The following SRR variants were observed in gnomAD, a reference collection of about 807,000 sequenced individuals.
The protein encoded by SRR is serine racemase.
In SRR, 19 loss-of-function variants were observed where a neutral mutation model predicts 32.7. The observed-to-expected ratio is 0.58, with a 90% CI of 0.40 to 0.85. SRR has a LOEUF of 0.85. Among genes scored for constraint, SRR ranks in the 40% least tolerant of loss-of-function variants. The pLI is 0.00. For synonymous variants in SRR, 142 were observed against 140.9 expected (o/e 1.01, Z -0.06); for missense variants, 373 against 404.7 (o/e 0.92, Z 0.67).
In SRR at chr17:2,315,726, A is replaced by C; in HGVS notation, c.166A>C (p.Lys56Gln). ...CELFQKTGSF[K>Q]IRGALNAVRS... ...ACTCTTCCAGAAAACAGGATCTTTTAAGGTAACAATCCTTTTTCTCAGTGT... is the reference window on the plus strand; with the variant it reads ...ACTCTTCCAGAAAACAGGATCTTTTCAGGTAACAATCCTTTTTCTCAGTGT... Residue 56 changes from lysine to glutamine, a missense_variant and splice_region_variant, in exon 2 of 8, where the codon AAG becomes CAG. Coordinates refer to ENST00000344595, the MANE Select transcript of SRR (RefSeq NM_021947.3). 1 of 1,613,418 alleles carries C rather than the reference A, an allele frequency of 6.2e-7. No individual in the cohort carries two copies. The highest frequency in any genetic ancestry group is 8.5e-7 in the Non-Finnish European group (1 of 1,179,722).
Position 2,324,650 on chromosome 17 carries a change from C to G in SRR, c.*777C>G. Reference sequence around the variant, plus strand: ...AAATGTAAACCCAACCTTTATACCACAAAGGCAATCAGATCCCATCCTCCT... The same window carrying G: ...AAATGTAAACCCAACCTTTATACCAGAAAGGCAATCAGATCCCATCCTCCT... On this transcript the variant is annotated 3_prime_UTR_variant, in exon 8 of 8. Transcript: ENST00000344595. 6.2e-7 allele frequency: 1 copy of G among 1,613,988 alleles called. No homozygotes were observed. Among genetic ancestry groups the G allele is most frequent in the Non-Finnish European group, 8.5e-7 (1 of 1,179,946 alleles).
At chr17:2,304,372 C>CTCTCTACTAT (rs2075362191) in intron 1 of SRR, among the ~76,000 whole-genome samples, 1 of 134,462 alleles carries the variant, frequency 7.4e-6, no homozygotes, top group East Asian at 2.4e-4. Context: ...CTGCCTCAGC[C>CTCTCTACTAT]TCCCTAGTAG....
At chr17:2,312,312 A>G (rs574131249) in intron 1 of SRR, among the ~76,000 whole-genome samples, 1 of 152,028 alleles carries the variant, frequency 6.6e-6, no homozygotes, top group Non-Finnish European at 1.5e-5. Flanking sequence ...ACTACTAGAC[A>G]TTGCCAGGCA....
rs1427224733 is a variant in SRR at position 2,317,939 on chromosome 17, G to C, written c.238G>C (p.Val80Leu). The C allele has an allele frequency of 6.2e-7, 1 of 1,613,894 alleles. No homozygotes were observed. Among genetic ancestry groups the C allele is most frequent in the Admixed American group, 1.7e-5 (1 of 59,976 alleles). Residue 80 changes from valine to leucine, a missense_variant, in exon 3 of 8, where the codon GTT becomes CTT. Transcript: ENST00000344595. ...DALERKPKAV[V>L]THSSGNHGQA... ...TTTAGAAAGGAAGCCGAAAGCTGTT[G>C]TTACTCACAGCAGTGGAAACCATGG...
At chr17:2,306,823 A>G in intron 1 of SRR, 1 of 776,688 alleles carries the variant, frequency 1.3e-6, no homozygotes, top group Non-Finnish European at 2.3e-6. Context: ...TGGAGGGCTG[A>G]GCTTTGAAAC....
At chr17:2,321,489 T>A in intron 5 of SRR, 53 bp from the exon 6 acceptor site, 1 of 1,612,808 alleles carries the variant, frequency 6.2e-7, no homozygotes, top group Admixed American at 1.7e-5. Context: ...TTCAATTATT[T>A]TATATGTATA....
chr17:2,315,383 C>G, intron 1 of SRR, 174 bp from the exon 2 acceptor site: 1 of 556,046 alleles, frequency 1.8e-6, no homozygotes. Flanking sequence ...AGAAAAACTT[C>G]GTTCAGCTTT....
At chr17:2,315,335 C>T (rs946892353) in intron 1 of SRR, 4 of 377,168 alleles carry the variant, frequency 1.1e-5, no homozygotes, top group African/African-American at 6.3e-5. Flanking sequence ...CTTTAGCCTT[C>T]TGTAATCACC....
chr17:2,320,181 G>A (rs535242036), intron 4 of SRR, among the ~76,000 whole-genome samples: 1 of 149,834 alleles, frequency 6.7e-6, no homozygotes, highest in South Asian at 2.1e-4. Context: ...CGGTGGAAAC[G>A]AGAGTTCTTG....
At chr17:2,321,756 A>G (rs2151436771) in intron 6 of SRR, 140 bp downstream of exon 6, 1 of 727,906 alleles carries the variant, frequency 1.4e-6, no homozygotes, top group Non-Finnish European at 2.4e-6. Flanking sequence ...ATGAAGGCCC[A>G]TCTCTGCCTC....
chr17:2,321,230 T>A, intron 4 of SRR, 76 bp from the exon 5 acceptor site: 4 of 1,552,022 alleles, frequency 2.6e-6, no homozygotes, highest in Non-Finnish European at 3.5e-6. Flanking sequence ...GTCAATAAAA[T>A]GCTGAATGAC....
intron 5 of SRR, 55 bp downstream of exon 5, chr17:2,321,480 T>G (rs1165463748): frequency 6.2e-7 from 1 of 1,612,796 alleles, no homozygotes; most frequent in Non-Finnish European, 8.5e-7. Flanking sequence ...TGGGCTATAT[T>G]CAATTATTTT....
Position 2,315,960 on chromosome 17 carries a change from C to T in SRR, c.168+232C>T, listed in dbSNP as rs543439221. 3.9e-5 allele frequency among the ~76,000 whole-genome samples: 6 copies of T among 152,082 alleles called. No individual in the cohort carries two copies. The East Asian group carries it at 1.2e-3, about 29-fold the overall frequency. On this transcript the variant is annotated intron_variant, in intron 2 of 7. Coordinates refer to ENST00000344595, the MANE Select transcript of SRR (RefSeq NM_021947.3). ...CTTATAATTAGGATAATATATATAACTTATCCGAGTAATTTTTATATATAT... is the reference window on the plus strand; with the variant it reads ...CTTATAATTAGGATAATATATATAATTTATCCGAGTAATTTTTATATATAT...
chr17:2,313,910 G>A (rs535563172), intron 1 of SRR, among the ~76,000 whole-genome samples: 114 of 152,262 alleles, frequency 7.5e-4, no homozygotes, highest in African/African-American at 2.6e-3. Flanking sequence ...AGGTAGGAAG[G>A]TTTCGTGGCT....
In SRR at chr17:2,323,183, A is replaced by G. The variant is rs2075548221; in HGVS notation, c.642A>G (p.Ala214=). The change falls in exon 7 of 8, where the codon GCA becomes GCG. Residue 214 remains alanine, a synonymous_variant. Transcript: ENST00000344595. ...VKVYAAEPSN[A]DDCYQSKLKG... ...TATATGCTGCTGAACCCTCAAATGCAGATGACTGCTACCAGTCCAAGCTGA... is the reference window on the plus strand; with the variant it reads ...TATATGCTGCTGAACCCTCAAATGCGGATGACTGCTACCAGTCCAAGCTGA... 6.2e-7 allele frequency: 1 copy of G among 1,614,134 alleles called. No homozygotes were observed. Among genetic ancestry groups the G allele is most frequent in the African/African-American group, 1.3e-5 (1 of 74,944 alleles).
At chr17:2,318,107 C>G in intron 3 of SRR, 111 bp downstream of exon 3, 1 of 1,240,394 alleles carries the variant, frequency 8.1e-7, no homozygotes, top group Non-Finnish European at 1.1e-6. Context: ...AAAGAAATCT[C>G]TATCTGATTG....
Position 2,308,017 on chromosome 17 carries a change from G to T in SRR, c.-5+4000G>T, listed in dbSNP as rs1399800778. The stretch of plus-strand genomic sequence containing the variant: ...AAGCTGTTGATTGCTAAATGTAATA[G>T]TCTGATCGTGACACTGAATAAATGT... On this transcript the variant is annotated intron_variant, in intron 1 of 7. Transcript: ENST00000344595. 2.1e-5 allele frequency among the ~76,000 whole-genome samples: 3 copies of T among 145,466 alleles called. No homozygotes were observed. In the East Asian group the frequency reaches 5.9e-4, roughly 29 times the overall value.
intron 1 of SRR, among the ~76,000 whole-genome samples, chr17:2,309,339 A>T (rs2075417424): frequency 6.6e-6 from 1 of 152,176 alleles, no homozygotes; most frequent in Non-Finnish European, 1.5e-5. Flanking sequence ...TATAATGAAC[A>T]TGTATGGAAT....
At chr17:2,319,374 A>T (rs1293104512) in intron 4 of SRR, among the ~76,000 whole-genome samples, 2 of 151,800 alleles carry the variant, frequency 1.3e-5, no homozygotes, top group African/African-American at 2.4e-5. Context: ...TTAAAGATGG[A>T]CTCTTTCTAT....
Sources: allele counts gnomAD v4.1 joint callset (sites outside exome capture counted in the v4.1 genomes callset), GRCh38; gene constraint gnomAD v4.1.1; transcripts MANE v1.5; gene names NCBI Gene and HGNC (gene_info 2026-07-23, HGNC 2026-07-21).